Variants in DCC observed in about 807,000 individuals in gnomAD.
DCC encodes DCC netrin 1 receptor, also known as netrin receptor DCC.
Under a neutral mutation model 172.5 loss-of-function variants are expected in DCC, and 58 were observed. That is an observed-to-expected ratio of 0.34 (90% CI 0.27 to 0.42). The LOEUF is 0.42. Among genes scored for constraint, DCC ranks in the 10% least tolerant of loss-of-function variants. The pLI is 1.00. For synonymous variants in DCC, 709 were observed against 644.5 expected, an observed-to-expected ratio of 1.10 and a Z score of -1.52; for missense variants, 1,740 against 1,791.0, an observed-to-expected ratio of 0.97 and a Z score of 0.51.
At chr18:52,413,923 C>G (rs574729527) in intron 1 of DCC, among the ~76,000 whole-genome samples, 3 of 152,202 alleles carry the variant, frequency 2.0e-5, no homozygotes, top group Admixed American at 6.5e-5. Context: ...AGATGCTCTG[C>G]AAATAGAATG....
intron 1 of DCC, among the ~76,000 whole-genome samples, chr18:52,439,582 G>A (rs1987909979): frequency 2.0e-5 from 3 of 152,146 alleles, no homozygotes; most frequent in Admixed American, 2.0e-4. Flanking sequence ...AGGCTTAGGT[G>A]TTGACATTTT....
intron 5 of DCC, among the ~76,000 whole-genome samples, chr18:53,018,538 A>G (rs191186249): frequency 2.6e-5 from 4 of 152,152 alleles, no homozygotes; most frequent in Non-Finnish European, 5.9e-5. Context: ...TTCAATTTAA[A>G]TATCTCTTTC....
At chr18:53,131,321 C>G (rs1267501505) in intron 7 of DCC, among the ~76,000 whole-genome samples, 2 of 151,960 alleles carry the variant, frequency 1.3e-5, no homozygotes, top group East Asian at 3.9e-4. Context: ...GGAAAAATAA[C>G]TAATAAATAC....
At chr18:53,158,643 A>G (rs1453669162) in intron 8 of DCC, among the ~76,000 whole-genome samples, 1 of 152,098 alleles carries the variant, frequency 6.6e-6, no homozygotes, top group Non-Finnish European at 1.5e-5. Flanking sequence ...AGCAAGTTCA[A>G]GTTTAGCCTT....
At chr18:53,416,355 A>G (rs1299035193) in intron 21 of DCC, 199 bp downstream of exon 21, 5 of 698,088 alleles carry the variant, frequency 7.2e-6, no homozygotes, top group Non-Finnish European at 1.0e-5. Context: ...AATTTTCTTG[A>G]GAGGAAATTG....
In DCC at chr18:52,417,566, T is replaced by C. The variant is rs183117192; in HGVS notation, c.91+76688T>C. ...TCCCATATTTCTTGGAGGCCTTGTT[T>C]GTTTCTTTTTATTCTTTTGTCTCTA... On this transcript the variant is annotated intron_variant, in intron 1 of 28. Coordinates refer to ENST00000442544, the MANE Select transcript of DCC (RefSeq NM_005215.4). Among the ~76,000 whole-genome samples, 282 of 152,228 alleles carry C rather than the reference T, an allele frequency of 1.9e-3. 6 individuals are homozygous for C. The East Asian group carries it at 0.045, about 24-fold the overall frequency.
chr18:53,410,445 T>G lies in DCC; in HGVS notation c.2936-7T>G. On this transcript the variant is annotated splice_polypyrimidine_tract_variant and splice_region_variant and intron_variant, in intron 19 of 28. Transcript: ENST00000442544. ...CCAAATTAAGTCACATTTGTCTATT[T>G]ATGCAGCTTACATCTTATTTTATAC... 1.3e-6 allele frequency: 2 copies of G among 1,583,852 alleles called. No homozygotes were observed. The highest frequency in any genetic ancestry group is 1.7e-6 in the Non-Finnish European group (2 of 1,152,630).
chr18:52,811,746 G>A lies in DCC; in HGVS notation c.412+59372G>A, dbSNP rs972635564. Among the ~76,000 whole-genome samples, 5 of 152,048 alleles carry A rather than the reference G, an allele frequency of 3.3e-5. No individual in the cohort carries two copies. In the South Asian group the frequency reaches 6.2e-4, roughly 19 times the overall value. ...ATTTTTATCGAAGATCTGAATAGAC[G>A]GATTTTCTTTTTAAAAAATGTTTTT... On this transcript the variant is annotated intron_variant, in intron 2 of 28. Transcript: ENST00000442544.
intron 12 of DCC, among the ~76,000 whole-genome samples, chr18:53,291,709 A>C (rs2057007146): frequency 6.6e-6 from 1 of 152,164 alleles, no homozygotes. Context: ...TTTATTTAGT[A>C]CAAACGAATA....
At chr18:53,391,551 C>T in intron 16 of DCC, 104 bp from the exon 17 acceptor site, 2 of 761,004 alleles carry the variant, frequency 2.6e-6, no homozygotes. Flanking sequence ...TCATTATTGC[C>T]ATGCATTTAA....
chr18:53,450,142 TACACACACAC>T lies in DCC; in HGVS notation c.3230-356_3230-347del, dbSNP rs992007588. On this transcript the variant is annotated intron_variant, in intron 22 of 28. Coordinates refer to ENST00000442544, the MANE Select transcript of DCC (RefSeq NM_005215.4). ...GGGGATATATATATATATATATATA[TACACACACAC>T]ATACACACATACATATGCATACATA... Among the ~76,000 whole-genome samples, 80 of 149,088 alleles carry T rather than the reference TACACACACAC, an allele frequency of 5.4e-4. No homozygotes were observed. The South Asian group carries it at 0.016, about 31-fold the overall frequency.
intron 5 of DCC, among the ~76,000 whole-genome samples, chr18:52,929,264 C>G (rs1357948261): frequency 6.6e-6 from 1 of 152,148 alleles, no homozygotes; most frequent in Non-Finnish European, 1.5e-5. Context: ...AGATCCAAAT[C>G]CAGGCATCCG....
intron 22 of DCC, among the ~76,000 whole-genome samples, chr18:53,440,340 C>T: frequency 6.6e-6 from 1 of 151,978 alleles, no homozygotes; most frequent in East Asian, 1.9e-4. Context: ...TGACCTCAAC[C>T]TTTAAAGATA....
intron 5 of DCC, among the ~76,000 whole-genome samples, chr18:52,965,297 G>A (rs555504837): frequency 2.6e-5 from 4 of 152,096 alleles, no homozygotes; most frequent in South Asian, 2.1e-4. Flanking sequence ...AGTACTAGAA[G>A]TCAAGGCTAG....
At chr18:53,246,707 T>G (rs2144649230) in intron 12 of DCC, among the ~76,000 whole-genome samples, 1 of 152,196 alleles carries the variant, frequency 6.6e-6, no homozygotes, top group African/African-American at 2.4e-5. Flanking sequence ...AAAGCAGGAT[T>G]TTTATATAGG....
chr18:52,341,398 AG>A (rs1384743384), intron 1 of DCC, among the ~76,000 whole-genome samples: 2 of 152,152 alleles, frequency 1.3e-5, no homozygotes, highest in Admixed American at 1.3e-4. Flanking sequence ...GGAAAGGGAC[AG>A]CTAATATGTT....
chr18:52,509,659 G>A (rs2031363263), intron 1 of DCC, among the ~76,000 whole-genome samples: 1 of 152,184 alleles, frequency 6.6e-6, no homozygotes, highest in Non-Finnish European at 1.5e-5. Context: ...TATCTGCACT[G>A]ACTGTCACAT....
At chr18:53,166,536 T>C (rs2054924866) in intron 8 of DCC, among the ~76,000 whole-genome samples, 1 of 152,090 alleles carries the variant, frequency 6.6e-6, no homozygotes, top group South Asian at 2.1e-4. Context: ...CTAAACAAAA[T>C]AAGAATTTGA....
chr18:52,877,689 C>G (rs996574635), intron 2 of DCC, among the ~76,000 whole-genome samples: 1 of 146,038 alleles, frequency 6.8e-6, no homozygotes, highest in Admixed American at 6.9e-5. Flanking sequence ...GCCTGGGTGA[C>G]AGAGTGAGAC....
Sources: allele counts gnomAD v4.1 joint callset (sites outside exome capture counted in the v4.1 genomes callset), GRCh38; gene constraint gnomAD v4.1.1; transcripts MANE v1.5; gene names NCBI Gene and HGNC (gene_info 2026-07-23, HGNC 2026-07-21).